Variants in FOLH1 observed in about 807,000 individuals in gnomAD.
The protein encoded by FOLH1 is folate hydrolase 1, also known as glutamate carboxypeptidase 2.
In FOLH1, 54 loss-of-function variants were observed where a neutral mutation model predicts 93.9. That is an observed-to-expected ratio of 0.57 (90% CI 0.46 to 0.72). The LOEUF (loss-of-function observed/expected upper bound fraction) is 0.72. FOLH1 is among the 30% of genes least tolerant of loss of function. FOLH1 has a pLI of 0.00. For missense variants in FOLH1, 571 were observed against 892.5 expected (o/e 0.64, Z 4.59); for synonymous variants, 249 against 303.6 (o/e 0.82, Z 1.87).
intron 1 of FOLH1, chr11:49,207,656 C>G: frequency 2.9e-6 from 1 of 341,736 alleles, no homozygotes; most frequent in Admixed American, 3.9e-5. Context: ...ATATTATCCT[C>G]ATCATAAAAT....
At chr11:49,162,603 C>T (rs766172507) in intron 13 of FOLH1, among the ~76,000 whole-genome samples, 43 of 152,300 alleles carry the variant, frequency 2.8e-4, no homozygotes, top group Middle Eastern at 3.4e-3. Flanking sequence ...TTTCAGGCAT[C>T]TCAGCCTCAA....
chr11:49,192,750 A>G, intron 4 of FOLH1, 43 bp downstream of exon 4: 5 of 1,506,880 alleles, frequency 3.3e-6, no homozygotes, highest in Non-Finnish European at 4.5e-6. Context: ...AAGAGAAGGA[A>G]GGCTTCTTTT....
rs768593308 is a variant in FOLH1 at position 49,183,210 on chromosome 11, C to G, written c.859G>C (p.Val287Leu). The G allele has an allele frequency of 2.5e-6, 4 of 1,612,910 alleles. No homozygotes were observed. The African/African-American group carries it at 5.3e-5, about 22-fold the overall frequency. Residue 287 changes from valine (V) to leucine (L), a missense_variant, in exon 7 of 19, where the codon GTT (valine) becomes CTT (leucine). Val to Leu is a conservative substitution (Grantham distance 32). Around this residue, in one of 2 missense-constraint regions of FOLH1, gnomAD observed 500 missense variants for 822.9 expected, o/e 0.61. Transcript: ENST00000256999. ...TGAACAGGAATACTTGGAAGACCAA[C>G]AGCCTCTGCAATTCCACGCCTATAA... ...YAYRRGIAEA[V>L]GLPSIPVHPI...
At chr11:49,160,589 C>T (rs1406184677) in intron 13 of FOLH1, among the ~76,000 whole-genome samples, 1 of 151,978 alleles carries the variant, frequency 6.6e-6, no homozygotes, top group African/African-American at 2.4e-5. Context: ...ACTACAGGCA[C>T]CCGCCACCAC....
rs748619991 is a variant in FOLH1 at position 49,146,875 on chromosome 11, G to C, written c.2134C>G (p.Leu712Val). The C allele has an allele frequency of 1.1e-5, 18 of 1,613,308 alleles. No homozygotes were observed. The highest frequency in any genetic ancestry group is 8.5e-7 in the Non-Finnish European group (1 of 1,179,618). The change falls in exon 19 of 19, where the codon CTG becomes GTG. Residue 712 changes from leucine (L) to valine (V), a missense_variant. Leu to Val is a conservative substitution (Grantham distance 32). Coordinates refer to ENST00000256999, the MANE Select transcript of FOLH1 (RefSeq NM_004476.3). ...GESFPGIYDALFDIESKVDPS... is the reference protein window; with the variant it reads ...GESFPGIYDAVFDIESKVDPS... The stretch of plus-strand genomic sequence containing the variant: ...TCCACTTTGCTTTCAATATCAAACA[G>C]AGCATCATAAATTCCTGGGAATGAC...
intron 2 of FOLH1, among the ~76,000 whole-genome samples, chr11:49,205,135 C>T (rs1007690917): frequency 3.3e-5 from 5 of 151,348 alleles, no homozygotes; most frequent in African/African-American, 9.7e-5. Context: ...ACCTGGGAGG[C>T]GGAGGTTACA....
At chr11:49,183,468 AAAGCAATGTC>A (rs1861023973) in intron 6 of FOLH1, among the ~76,000 whole-genome samples, 1 of 152,124 alleles carries the variant, frequency 6.6e-6, no homozygotes. Context: ...ACTCTTTTGA[AAAGCAATGTC>A]AAGCAGAAAT....
intron 13 of FOLH1, among the ~76,000 whole-genome samples, chr11:49,164,034 T>C (rs367770865): frequency 7.9e-5 from 12 of 152,320 alleles, no homozygotes; most frequent in Admixed American, 2.6e-4. Flanking sequence ...AGTCCCAATG[T>C]GAGTATCTGC....
rs1252884022 is a variant in FOLH1 at position 49,152,692 on chromosome 11, C to A, written c.1970+1154G>T. 4.6e-5 allele frequency among the ~76,000 whole-genome samples: 7 copies of A among 152,112 alleles called. No homozygotes were observed. The East Asian group carries it at 1.2e-3, about 25-fold the overall frequency. ...TTTTTATAATGTATATATTACTCTC[C>A]ATTTTTGCTAGAAAATAAGTTTTCA... On this transcript the variant is annotated intron_variant, in intron 17 of 18. Coordinates refer to ENST00000256999, the MANE Select transcript of FOLH1 (RefSeq NM_004476.3).
chr11:49,174,668 C>G (rs939797498), intron 9 of FOLH1, among the ~76,000 whole-genome samples: 1 of 152,166 alleles, frequency 6.6e-6, no homozygotes, highest in African/African-American at 2.4e-5. Flanking sequence ...TCACCTTGGT[C>G]ATCTGCCCAG....
At chr11:49,170,037 T>C (rs1859048922) in intron 11 of FOLH1, among the ~76,000 whole-genome samples, 1 of 149,740 alleles carries the variant, frequency 6.7e-6, no homozygotes, top group African/African-American at 2.5e-5. Context: ...AGCACCATTT[T>C]TTTTTTCAAA....
intron 18 of FOLH1, among the ~76,000 whole-genome samples, chr11:49,147,765 G>A (rs1472497341): frequency 6.6e-6 from 1 of 152,038 alleles, no homozygotes; most frequent in East Asian, 1.9e-4. Flanking sequence ...CGCTACAAAT[G>A]AACGTACAAA....
intron 1 of FOLH1, 165 bp downstream of exon 1, chr11:49,208,127 C>A: frequency 1.6e-6 from 1 of 622,238 alleles, no homozygotes; most frequent in African/African-American, 1.9e-5. Context: ...TCCCAGCTAC[C>A]CTCCTCCTAA....
At chr11:49,200,023 A>T (rs1205220583) in intron 3 of FOLH1, among the ~76,000 whole-genome samples, 2 of 152,334 alleles carry the variant, frequency 1.3e-5, no homozygotes, top group Middle Eastern at 3.4e-3. Context: ...AAACTAAAAA[A>T]CAGCAGCTGT....
chr11:49,152,235 A>C (rs765982719), intron 17 of FOLH1, among the ~76,000 whole-genome samples: 2 of 152,136 alleles, frequency 1.3e-5, no homozygotes, highest in Non-Finnish European at 2.9e-5. Flanking sequence ...TATACTTCAA[A>C]TCTTTCTCCA....
chr11:49,208,354 C>G lies in FOLH1; in HGVS notation c.56G>C (p.Arg19Pro). ...DSAVATARRP[R>P]WLCAGALVLA... ...CACCAGCGCCCCAGCGCACAGCCAG[C>G]GCGGGCGGCGCGCGGTGGCCACAGC... is the stretch of plus-strand genomic sequence containing the variant. The change falls in exon 1 of 19, where the codon CGC becomes CCC. Residue 19 changes from arginine (R) to proline (P), a missense_variant. By Grantham distance (103) the Arg-to-Pro change is moderately radical. This residue lies in a region of FOLH1 where 71 missense variants were observed against 69.6 expected (regional missense o/e 1.02). Coordinates refer to ENST00000256999, the MANE Select transcript of FOLH1 (RefSeq NM_004476.3). 1 of 1,600,742 alleles carries G rather than the reference C, an allele frequency of 6.2e-7. No homozygotes were observed. Among genetic ancestry groups the G allele is most frequent in the Non-Finnish European group, 8.5e-7 (1 of 1,172,612 alleles).
At chr11:49,188,534 A>T (rs529615782) in intron 4 of FOLH1, among the ~76,000 whole-genome samples, 1 of 150,856 alleles carries the variant, frequency 6.6e-6, no homozygotes, top group East Asian at 2.0e-4. Flanking sequence ...AAAAAGATAG[A>T]TTAAGTTATA....
At chr11:49,185,264 G>A (rs1356310580) in intron 6 of FOLH1, among the ~76,000 whole-genome samples, 1 of 152,098 alleles carries the variant, frequency 6.6e-6, no homozygotes, top group Non-Finnish European at 1.5e-5. Context: ...AGCAAAATTT[G>A]ACTTGAGTAG....
chr11:49,206,712 T>C (rs1864011061), intron 1 of FOLH1: 1 of 1,490,776 alleles, frequency 6.7e-7, no homozygotes, highest in Non-Finnish European at 9.0e-7. Context: ...TGTGAGAGTT[T>C]GCGTTTCCAG....
Sources: gnomAD v4.1 joint callset for allele counts (sites outside exome capture counted in the v4.1 genomes callset) on GRCh38, gnomAD v4.1.1 for gene constraint, gnomAD v4.1.1 regional missense constraint, MANE v1.5 for transcripts, NCBI Gene and HGNC (gene_info 2026-07-23, HGNC 2026-07-21) for gene names.